RNPEP: variants seen among roughly 807,000 people sequenced by gnomAD.
RNPEP encodes the protein arginyl aminopeptidase, also known as aminopeptidase B.
Under a neutral mutation model 70.1 loss-of-function variants are expected in RNPEP, and 57 were observed. The ratio of observed to expected loss-of-function variants is 0.81; its 90% CI spans 0.66 to 1.01. RNPEP has a LOEUF of 1.01. Among genes scored for constraint, RNPEP ranks in the 50% least tolerant of loss-of-function variants. The probability of loss-of-function intolerance (pLI) is 0.00; values close to 1 mark genes in which losing one functional copy is unlikely to be tolerated. For missense variants in RNPEP, 787 were observed against 852.4 expected (o/e 0.92, Z 0.96); for synonymous variants, 335 against 357.4 (o/e 0.94, Z 0.71).
intron 3 of RNPEP, among the ~76,000 whole-genome samples, chr1:201,993,324 T>C (rs1207341744): frequency 6.6e-6 from 1 of 152,148 alleles, no homozygotes; most frequent in Non-Finnish European, 1.5e-5. Context: ...AGGCTGGGTG[T>C]GGTGGCTCAC....
chr1:201,997,208 C>T, intron 4 of RNPEP, 111 bp from the exon 5 acceptor site: 1 of 801,330 alleles, frequency 1.2e-6, no homozygotes, highest in South Asian at 1.5e-5. Context: ...CGTACTCTGC[C>T]TGTTTAGTGA....
At chr1:202,005,426 C>T in intron 10 of RNPEP, 132 bp from the exon 11 acceptor site, 1 of 987,108 alleles carries the variant, frequency 1.0e-6, no homozygotes, top group Non-Finnish European at 1.5e-6. Context: ...AGAAGCTCCT[C>T]ATTCCAGCTG....
intron 3 of RNPEP, among the ~76,000 whole-genome samples, chr1:201,993,621 A>C (rs1683423818): frequency 6.6e-6 from 1 of 151,750 alleles, no homozygotes; most frequent in East Asian, 1.9e-4. Flanking sequence ...ACAAAAAAAA[A>C]AAACAAACTC....
intron 3 of RNPEP, among the ~76,000 whole-genome samples, chr1:201,990,284 C>T (rs1313950895): frequency 6.6e-6 from 1 of 152,196 alleles, no homozygotes; most frequent in Non-Finnish European, 1.5e-5. Context: ...GTATCATTTC[C>T]CTCGAAGAGG....
intron 1 of RNPEP, among the ~76,000 whole-genome samples, chr1:201,985,340 C>T (rs1034164673): frequency 6.6e-5 from 10 of 152,162 alleles, no homozygotes; most frequent in African/African-American, 2.4e-4. Flanking sequence ...CTCCCTGGCT[C>T]AAGTGATCCT....
Position 201,997,420 on chromosome 1 carries a change from T to A in RNPEP, c.956T>A (p.Leu319Ter), listed in dbSNP as rs1294317488. 1 of 1,614,158 alleles carries A rather than the reference T, an allele frequency of 6.2e-7. No individual in the cohort carries two copies. Among genetic ancestry groups the A allele is most frequent in the Non-Finnish European group, 8.5e-7 (1 of 1,180,026 alleles). Residue 319 changes from leucine (L) to a stop codon, truncating the protein, a stop_gained, in exon 5 of 11, where the codon TTG (leucine) becomes TAG (stop). Transcript: ENST00000295640. LOFTEE classifies it high-confidence loss of function. ...TPCLLAGDRS[L>*]ADVIIHEISH... ...TGCCTGCTAGCTGGGGACCGCTCCT[T>A]GGCAGATGTCATCATCCATGAGATC...
chr1:201,999,216 C>CA (rs57370049), intron 5 of RNPEP, among the ~76,000 whole-genome samples: 6,232 of 117,442 alleles, frequency 0.053, 258 homozygotes, highest in African/African-American at 0.13. Flanking sequence ...GACTCTGTCT[C>CA]AAAAAAAAAA....
rs571424585 is a variant in RNPEP, at chr1:202,005,541, A to T, written c.1795-17A>T. The T allele has an allele frequency of 6.2e-7, 1 of 1,613,546 alleles. No homozygotes were observed. The highest frequency in any genetic ancestry group is 8.5e-7 in the Non-Finnish European group (1 of 1,179,714). On this transcript the variant is annotated splice_polypyrimidine_tract_variant and intron_variant, in intron 10 of 10. Transcript: ENST00000295640. The stretch of plus-strand genomic sequence containing the variant: ...CCAGGCAAGCTTCTTAGGCATGTGT[A>T]TGTGTGTTTCTTGCAGGGGAAGCAG...
chr1:201,990,382 G>C (rs1683283752), intron 3 of RNPEP, among the ~76,000 whole-genome samples: 1 of 151,178 alleles, frequency 6.6e-6, no homozygotes, highest in Non-Finnish European at 1.5e-5. Flanking sequence ...CATGGATCTT[G>C]TGAAGATAAA....
At chr1:201,985,084 C>T (rs12071266) in intron 1 of RNPEP, among the ~76,000 whole-genome samples, 83,639 of 151,134 alleles carry the variant, frequency 0.55, 23,460 homozygotes, top group Non-Finnish European at 0.61. Flanking sequence ...ACCCAGCTAC[C>T]TGGGAGCCTG....
intron 8 of RNPEP, 124 bp from the exon 9 acceptor site, chr1:202,003,113 T>G: frequency 1.5e-6 from 1 of 664,204 alleles, no homozygotes; most frequent in Non-Finnish European, 2.6e-6. Flanking sequence ...AAAGTAATGT[T>G]AAATGCTGGG....
chr1:202,001,903 C>A lies in RNPEP; in HGVS notation c.1426+136C>A, dbSNP rs1683833407. ...GGTAGGGGCGTTTTGGGAAGCAAAC[C>A]CAGAATCCTGGGATTTATTCCACAA... On this transcript the variant is annotated intron_variant, in intron 8 of 10. Transcript: ENST00000295640. 4 of 633,646 alleles carry A rather than the reference C, an allele frequency of 6.3e-6. No homozygotes were observed. In the East Asian group the frequency reaches 1.1e-4, roughly 17 times the overall value. 39.3% of individuals were successfully genotyped at this position (633,646 alleles called of 1,614,324 possible). A position where few individuals can be genotyped will look rare whatever the true frequency, so the allele number is the denominator to read the frequency against.
At chr1:201,983,135 C>T (rs1303427619) in intron 1 of RNPEP, 22 bp downstream of exon 1, 2 of 1,439,488 alleles carry the variant, frequency 1.4e-6, no homozygotes, top group Non-Finnish European at 1.8e-6. Context: ...CCAGACTGCG[C>T]CCGCCGCTGC....
At chr1:201,984,863 G>T (rs1571619473) in intron 1 of RNPEP, among the ~76,000 whole-genome samples, 2 of 90,324 alleles carry the variant, frequency 2.2e-5, no homozygotes, top group Non-Finnish European at 4.5e-5. Flanking sequence ...TTTTTGAGAA[G>T]GGATCAAAAA....
At chr1:202,002,253 T>C (rs1463887153) in intron 8 of RNPEP, among the ~76,000 whole-genome samples, 1 of 151,156 alleles carries the variant, frequency 6.6e-6, no homozygotes, top group East Asian at 2.0e-4. Context: ...AACCTCCGCC[T>C]GCCGGGTTCA....
chr1:201,992,353 C>T (rs1683371020), intron 3 of RNPEP, among the ~76,000 whole-genome samples: 1 of 152,128 alleles, frequency 6.6e-6, no homozygotes, highest in South Asian at 2.1e-4. Context: ...TTGACCTCTA[C>T]TCAGGGAGCC....
Position 202,001,371 on chromosome 1 carries a change from G to A in RNPEP, c.1205-5G>A. The A allele has an allele frequency of 6.2e-7, 1 of 1,605,632 alleles. No individual in the cohort carries two copies. Among genetic ancestry groups the A allele is most frequent in the Non-Finnish European group, 8.5e-7 (1 of 1,172,332 alleles). Reference sequence around the variant, plus strand: ...TCAAATCTTGTCTGCTTTCTCCTCTGCCAGGCGTTGACCCGGACGACACCT... The same window carrying A: ...TCAAATCTTGTCTGCTTTCTCCTCTACCAGGCGTTGACCCGGACGACACCT... On this transcript the variant is annotated splice_region_variant and splice_polypyrimidine_tract_variant and intron_variant, in intron 6 of 10. Coordinates refer to ENST00000295640, the MANE Select transcript of RNPEP (RefSeq NM_020216.4).
chr1:202,002,481 G>A (rs1328983441), intron 8 of RNPEP, among the ~76,000 whole-genome samples: 1 of 152,150 alleles, frequency 6.6e-6, no homozygotes, highest in South Asian at 2.1e-4. Context: ...TGCCTGGGAG[G>A]TACCACTTCC....
chr1:202,004,702 G>C (rs1271556743), intron 10 of RNPEP, among the ~76,000 whole-genome samples: 1 of 152,234 alleles, frequency 6.6e-6, no homozygotes, highest in African/African-American at 2.4e-5. Context: ...CTGCAGGCTT[G>C]CAGTGCTTTC....
Sources: gnomAD v4.1 joint callset for allele counts (sites outside exome capture counted in the v4.1 genomes callset) on GRCh38, gnomAD v4.1.1 for gene constraint, MANE v1.5 for transcripts, NCBI Gene and HGNC (gene_info 2026-07-23, HGNC 2026-07-21) for gene names.